PCDH15: variants seen among roughly 807,000 people sequenced by gnomAD.
The protein encoded by PCDH15 is protocadherin related 15.
Under a neutral mutation model 178.5 loss-of-function variants are expected in PCDH15, and 129 were observed. That is an observed-to-expected ratio of 0.72 (90% CI 0.63 to 0.84). The LOEUF (loss-of-function observed/expected upper bound fraction) is 0.84. PCDH15 is among the 40% of genes least tolerant of loss of function. The pLI is 0.00. For synonymous variants in PCDH15, 800 were observed against 732.0 expected, an observed-to-expected ratio of 1.09 and a Z score of -1.50; for missense variants, 2,230 against 2,099.9, an observed-to-expected ratio of 1.06 and a Z score of -1.21.
chr10:55,402,559 T>C (rs1421543408), intron 2 of PCDH15, among the ~76,000 whole-genome samples: 2 of 151,966 alleles, frequency 1.3e-5, no homozygotes, highest in Non-Finnish European at 2.9e-5. Flanking sequence ...ACTCCACAAG[T>C]GAGAATATAC....
chr10:53,882,286 T>TA, intron 26 of PCDH15, among the ~76,000 whole-genome samples: 1 of 18,908 alleles, frequency 5.3e-5, no homozygotes, highest in South Asian at 5.1e-3. Flanking sequence ...CCACATCACC[T>TA]TTTTTGTTTG....
intron 28 of PCDH15, among the ~76,000 whole-genome samples, chr10:53,841,420 T>C (rs906715945): frequency 2.0e-5 from 3 of 152,170 alleles, no homozygotes; most frequent in Non-Finnish European, 4.4e-5. Flanking sequence ...TAAAGTCCTT[T>C]GATACATCAG....
intron 1 of PCDH15, among the ~76,000 whole-genome samples, chr10:55,246,847 C>G (rs559731839): frequency 6.6e-6 from 1 of 152,128 alleles, no homozygotes; most frequent in African/African-American, 2.4e-5. Context: ...ATTATATTTT[C>G]CTTGTTATAT....
chr10:55,081,306 G>T (rs1842036125), intron 2 of PCDH15, among the ~76,000 whole-genome samples: 1 of 152,202 alleles, frequency 6.6e-6, no homozygotes, highest in Non-Finnish European at 1.5e-5. Flanking sequence ...AAAGAGATCT[G>T]ATGTCCCTAG....
chr10:54,504,205 T>C (rs2080971040), intron 3 of PCDH15, among the ~76,000 whole-genome samples: 1 of 152,146 alleles, frequency 6.6e-6, no homozygotes, highest in African/African-American at 2.4e-5. Context: ...TCTAAACACA[T>C]GCTCCAGCAA....
intron 2 of PCDH15, among the ~76,000 whole-genome samples, chr10:55,122,556 G>GAA (rs1258098256): frequency 1.3e-5 from 2 of 151,892 alleles, no homozygotes; most frequent in Non-Finnish European, 2.9e-5. Flanking sequence ...ATAGAAATGA[G>GAA]AAAAAAATGG....
chr10:55,133,111 G>A (rs1168139284), intron 2 of PCDH15, among the ~76,000 whole-genome samples: 1 of 152,074 alleles, frequency 6.6e-6, no homozygotes. Flanking sequence ...CTGGCTCTGT[G>A]AACTTGAAAA....
At chr10:54,022,451 C>T (rs114079052) in intron 19 of PCDH15, among the ~76,000 whole-genome samples, 2,447 of 133,240 alleles carry the variant, frequency 0.018, 62 homozygotes, top group African/African-American at 0.066. Flanking sequence ...ATATGTATAA[C>T]CCACACAAAT....
chr10:54,987,063 T>G (rs1034283780), intron 2 of PCDH15, among the ~76,000 whole-genome samples: 2 of 152,060 alleles, frequency 1.3e-5, no homozygotes, highest in Admixed American at 6.6e-5. Flanking sequence ...CCCCTCCCTG[T>G]GTCCATGTGT....
At chr10:55,217,422 C>A (rs2132178662) in intron 1 of PCDH15, among the ~76,000 whole-genome samples, 1 of 151,930 alleles carries the variant, frequency 6.6e-6, no homozygotes, top group South Asian at 2.1e-4. Flanking sequence ...GCTTTAAAAA[C>A]CTTCGTATTT....
At chr10:54,901,922 T>C (rs1173338430) in intron 2 of PCDH15, among the ~76,000 whole-genome samples, 1 of 152,184 alleles carries the variant, frequency 6.6e-6, no homozygotes, top group Non-Finnish European at 1.5e-5. Context: ...CATAATTTTA[T>C]AACTGTGCAT....
chr10:54,260,046 C>T (rs2057199182), intron 8 of PCDH15, among the ~76,000 whole-genome samples: 1 of 152,072 alleles, frequency 6.6e-6, no homozygotes, highest in African/African-American at 2.4e-5. Context: ...AAAGATATAA[C>T]CTGTCAACTT....
intron 28 of PCDH15, 30 bp downstream of exon 28, chr10:53,857,145 A>G (rs780876219): frequency 7.0e-7 from 1 of 1,430,952 alleles, no homozygotes; most frequent in Non-Finnish European, 9.8e-7. Flanking sequence ...TCATATAAAA[A>G]TAAATATATA....
chr10:55,531,019 T>TTGTG (rs1177427893), intron 2 of PCDH15, among the ~76,000 whole-genome samples: 1 of 145,202 alleles, frequency 6.9e-6, no homozygotes, highest in Non-Finnish European at 1.5e-5. Context: ...TTTTGTTTGT[T>TTGTG]TGTTTGTTTG....
chr10:55,160,768 T>C (rs1475835760), intron 2 of PCDH15, among the ~76,000 whole-genome samples: 1 of 152,088 alleles, frequency 6.6e-6, no homozygotes, highest in Non-Finnish European at 1.5e-5. Context: ...ATTTATGCTC[T>C]TCCATCTAGC....
At chr10:55,373,646 A>C (rs965932434) in intron 2 of PCDH15, among the ~76,000 whole-genome samples, 10 of 152,094 alleles carry the variant, frequency 6.6e-5, no homozygotes, top group African/African-American at 2.4e-4. Flanking sequence ...TATGATAACA[A>C]CATGAAATAA....
chr10:53,931,300 C>T (rs1245190011), intron 25 of PCDH15, among the ~76,000 whole-genome samples: 2 of 152,170 alleles, frequency 1.3e-5, no homozygotes, highest in South Asian at 2.1e-4. Flanking sequence ...AGAACTGGAG[C>T]TTAGTTAGCA....
chr10:54,294,685 A>T (rs1229463710), intron 8 of PCDH15, among the ~76,000 whole-genome samples: 1 of 143,962 alleles, frequency 6.9e-6, no homozygotes, highest in African/African-American at 2.6e-5. Flanking sequence ...ACACACACAC[A>T]GACACACACA....
At chr10:54,182,501 A>G (rs377649597) in intron 13 of PCDH15, among the ~76,000 whole-genome samples, 1 of 103,068 alleles carries the variant, frequency 9.7e-6, no homozygotes, top group African/African-American at 4.5e-5. Context: ...AAAAGAGAGA[A>G]AAAAAGTGTG....
Sources: gnomAD v4.1 joint callset for allele counts (sites outside exome capture counted in the v4.1 genomes callset) on GRCh38, gnomAD v4.1.1 for gene constraint, MANE v1.5 for transcripts, NCBI Gene and HGNC (gene_info 2026-07-23, HGNC 2026-07-21) for gene names.